SIRPA: variants seen among roughly 807,000 people sequenced by gnomAD.
The protein encoded by SIRPA is tyrosine-protein phosphatase non-receptor type substrate 1.
Under a neutral mutation model 50.3 loss-of-function variants are expected in SIRPA, and 9 were observed. The observed-to-expected ratio is 0.18, with a 90% CI of 0.11 to 0.31. The LOEUF (loss-of-function observed/expected upper bound fraction) is 0.31. Ranked by LOEUF, SIRPA falls within the 10% of genes least tolerant of loss-of-function variation. The probability of loss-of-function intolerance (pLI) is 1.00; values close to 1 mark genes in which losing one functional copy is unlikely to be tolerated. For synonymous variants in SIRPA, 265 were observed against 284.1 expected, an observed-to-expected ratio of 0.93 and a Z score of 0.68; for missense variants, 474 against 661.6, an observed-to-expected ratio of 0.72 and a Z score of 3.11.
intron 4 of SIRPA, 41 bp downstream of exon 4, chr20:1,922,686 T>C (rs1253658116): frequency 3.2e-6 from 5 of 1,547,170 alleles, no homozygotes; most frequent in Non-Finnish European, 4.4e-6. Context: ...TTTTAAACTT[T>C]TAGTTTTGTG....
chr20:1,917,520 A>G (rs1381994975), intron 2 of SIRPA, among the ~76,000 whole-genome samples: 1 of 152,206 alleles, frequency 6.6e-6, no homozygotes, highest in Non-Finnish European at 1.5e-5. Context: ...AGCCTGGGTG[A>G]TAGAGCAAGA....
At chr20:1,930,565 CTT>C (rs1199880459) in intron 6 of SIRPA, among the ~76,000 whole-genome samples, 2 of 152,122 alleles carry the variant, frequency 1.3e-5, no homozygotes, top group Non-Finnish European at 2.9e-5. Context: ...GAGGATCTCT[CTT>C]TTTTGTTTTT....
rs898545155 is a variant in SIRPA, at chr20:1,898,176, C to G, written c.79+2650C>G. Among the ~76,000 whole-genome samples, 8 of 152,338 alleles carry G rather than the reference C, an allele frequency of 5.3e-5. No individual in the cohort carries two copies. The highest frequency in any genetic ancestry group is 1.9e-4 in the East Asian group (1 of 5,188). ...CGGGGCCCCCCAGTGAACCTCTCACCGTTTGGTAGAGGGTGGCACTCTGGG... is the reference window on the plus strand; with the variant it reads ...CGGGGCCCCCCAGTGAACCTCTCACGGTTTGGTAGAGGGTGGCACTCTGGG... On this transcript the variant is annotated intron_variant, in intron 1 of 7. Coordinates refer to ENST00000358771, the MANE Select transcript of SIRPA (RefSeq NM_001040023.2). This position sits in a 1 kb window ranked among gnomAD's most constrained non-coding sequence, Gnocchi z 4.3.
At chr20:1,906,736 G>A (rs1291298159) in intron 1 of SIRPA, among the ~76,000 whole-genome samples, 1 of 152,174 alleles carries the variant, frequency 6.6e-6, no homozygotes, top group African/African-American at 2.4e-5. Context: ...TGGCTGCTGG[G>A]GGAATGTGGC....
chr20:1,921,576 C>A lies in SIRPA; in HGVS notation c.618C>A (p.Ser206=), dbSNP rs1985656054. 6.2e-7 allele frequency: 1 copy of A among 1,614,122 alleles called. No homozygotes were observed. The highest frequency in any genetic ancestry group is 1.3e-5 in the African/African-American group (1 of 74,942). ...TNVDPVGESV[S]YSIHSTAKVV... Reference sequence around the variant, plus strand: ...TGGACCCCGTAGGAGAGAGCGTGTCCTACAGCATCCACAGCACAGCCAAGG... The same window carrying A: ...TGGACCCCGTAGGAGAGAGCGTGTCATACAGCATCCACAGCACAGCCAAGG... Residue 206 remains serine (S), a synonymous_variant, in exon 3 of 8, where the codon TCC becomes TCA. Coordinates refer to ENST00000358771, the MANE Select transcript of SIRPA (RefSeq NM_001040023.2).
chr20:1,911,011 T>C (rs1984857644), intron 1 of SIRPA, among the ~76,000 whole-genome samples: 1 of 152,224 alleles, frequency 6.6e-6, no homozygotes, highest in South Asian at 2.1e-4. Flanking sequence ...TAATCTTTAA[T>C]ATCATTGTTT....
intron 1 of SIRPA, among the ~76,000 whole-genome samples, chr20:1,900,746 C>T: frequency 6.6e-6 from 1 of 152,242 alleles, no homozygotes; most frequent in East Asian, 1.9e-4. Context: ...GAACTTTCCA[C>T]TGTTTCAGCC....
At position 1,937,415 on chromosome 20, in the gene SIRPA, C is replaced by T. The variant is rs767159784; in HGVS notation, c.1362C>T (p.Ala454=). 6.2e-7 allele frequency: 1 copy of T among 1,614,098 alleles called. No individual in the cohort carries two copies. The highest frequency in any genetic ancestry group is 8.5e-7 in the Non-Finnish European group (1 of 1,180,002). ...AGCCCAACAACCACACGGAGTATGC[C>T]AGCATTCAGACCAGCCCGCAGCCCG... The part of the protein sequence containing the change: ...AAEPNNHTEY[A]SIQTSPQPAS... Residue 454 remains alanine (A), a synonymous_variant, in exon 8 of 8, where the codon GCC becomes GCT. Transcript: ENST00000358771. This position sits in a 1 kb window ranked among gnomAD's most constrained non-coding sequence, Gnocchi z 8.3.
chr20:1,920,013 T>G (rs960425567), intron 2 of SIRPA, among the ~76,000 whole-genome samples: 5 of 152,230 alleles, frequency 3.3e-5, no homozygotes, highest in African/African-American at 1.2e-4. Flanking sequence ...AAGCACCTGC[T>G]GCATACCAGG....
At chr20:1,918,714 C>T (rs903922202) in intron 2 of SIRPA, among the ~76,000 whole-genome samples, 1 of 152,082 alleles carries the variant, frequency 6.6e-6, no homozygotes, top group Non-Finnish European at 1.5e-5. Flanking sequence ...ATCCTGGCTT[C>T]CCTTGAGTCC....
chr20:1,895,652 G>A (rs1983757323), intron 1 of SIRPA, 126 bp downstream of exon 1: 3 of 707,180 alleles, frequency 4.2e-6, no homozygotes, highest in African/African-American at 1.9e-5. Flanking sequence ...TGTAACCAGG[G>A]TTATAGATGC....
In SIRPA at chr20:1,939,643, G is replaced by T. The variant is rs552678395; in HGVS notation, c.*2075G>T. The T allele has an allele frequency of 8.5e-5, 13 of 152,464 alleles. No individual in the cohort carries two copies. The highest frequency in any genetic ancestry group is 1.9e-4 in the Non-Finnish European group (13 of 68,048). The allele number at this position is 152,464 out of a possible 1,614,324, so 9.4% of individuals were successfully genotyped here. ...TTTTATTTTTTAATTCTTGGAGGGGGAAATAAGGGAATAAGGCCAAGGAAG... is the reference window on the plus strand; with the variant it reads ...TTTTATTTTTTAATTCTTGGAGGGGTAAATAAGGGAATAAGGCCAAGGAAG... On this transcript the variant is annotated 3_prime_UTR_variant, in exon 8 of 8. Transcript: ENST00000358771. The surrounding 1 kb of genome is among the most constrained non-coding windows in gnomAD (Gnocchi z 4.7).
At position 1,937,676 on chromosome 20, in the gene SIRPA, C is replaced by T. The variant is rs2122214087; in HGVS notation, c.*108C>T. On this transcript the variant is annotated 3_prime_UTR_variant, in exon 8 of 8. Transcript: ENST00000358771. The surrounding 1 kb of genome is among the most constrained non-coding windows in gnomAD (Gnocchi z 8.3). Reference sequence around the variant, plus strand: ...CAGTTCCCGGAGGGCTGGGGCGGTGCAGGCTCTGGGACCCAGGGGCCAGGG... The same window carrying T: ...CAGTTCCCGGAGGGCTGGGGCGGTGTAGGCTCTGGGACCCAGGGGCCAGGG... 7 of 1,457,220 alleles carry T rather than the reference C, an allele frequency of 4.8e-6. No homozygotes were observed. Among genetic ancestry groups the T allele is most frequent in the South Asian group, 1.3e-5 (1 of 77,390 alleles). 90.3% of individuals were successfully genotyped at this position (1,457,220 alleles called of 1,614,324 possible). A position where few individuals can be genotyped will look rare whatever the true frequency, so the allele number is the denominator to read the frequency against.
Position 1,934,136 on chromosome 20 carries a change from T to C in SIRPA, c.1227-579T>C, listed in dbSNP as rs6045522. Among the ~76,000 whole-genome samples the C allele has an allele frequency of 0.34, 51,512 of 151,912 alleles. 9,249 individuals carry two copies. The highest frequency in any genetic ancestry group is 0.44 in the African/African-American group (18,269 of 41,424). Reference sequence around the variant, plus strand: ...ACTTATCATTTTAATGTAAGCAATTTTAACTTAAAAAAAAAACCTCCTCAT... The same window carrying C: ...ACTTATCATTTTAATGTAAGCAATTCTAACTTAAAAAAAAAACCTCCTCAT... On this transcript the variant is annotated intron_variant, in intron 6 of 7. Transcript: ENST00000358771. This position sits in a 1 kb window ranked among gnomAD's most constrained non-coding sequence, Gnocchi z 4.6.
chr20:1,910,984 T>C (rs1468600397), intron 1 of SIRPA, among the ~76,000 whole-genome samples: 1 of 152,222 alleles, frequency 6.6e-6, no homozygotes, highest in Admixed American at 6.5e-5. Context: ...CATGTAAATC[T>C]ACCACTCAAT....
intron 1 of SIRPA, 42 bp downstream of exon 1, chr20:1,895,568 G>A: frequency 1.5e-6 from 2 of 1,356,402 alleles, no homozygotes; most frequent in Non-Finnish European, 1.9e-6. Context: ...TCCCCAAACT[G>A]CGGGCTCAGG....
intron 1 of SIRPA, among the ~76,000 whole-genome samples, chr20:1,911,531 G>A (rs1186845416): frequency 6.6e-6 from 1 of 152,148 alleles, no homozygotes; most frequent in Admixed American, 6.5e-5. Flanking sequence ...TCCACATAGG[G>A]GATAGGCCGT....
Position 1,928,213 on chromosome 20 carries a change from G to A in SIRPA, c.1226+314G>A, listed in dbSNP as rs904634800. ...CTGTCCTCACAGACATCCTGCACACGCCACCGGATGCATCCTCCCAGATCC... is the reference window on the plus strand; with the variant it reads ...CTGTCCTCACAGACATCCTGCACACACCACCGGATGCATCCTCCCAGATCC... On this transcript the variant is annotated intron_variant, in intron 6 of 7. Coordinates refer to ENST00000358771, the MANE Select transcript of SIRPA (RefSeq NM_001040023.2). This position sits in a 1 kb window ranked among gnomAD's most constrained non-coding sequence, Gnocchi z 4.9. 7.2e-5 allele frequency among the ~76,000 whole-genome samples: 11 copies of A among 152,086 alleles called. No individual in the cohort carries two copies. Among genetic ancestry groups the A allele is most frequent in the Non-Finnish European group, 1.3e-4 (9 of 68,026 alleles).
chr20:1,901,486 A>C (rs2122985402), intron 1 of SIRPA, among the ~76,000 whole-genome samples: 1 of 152,066 alleles, frequency 6.6e-6, no homozygotes, highest in Non-Finnish European at 1.5e-5. Flanking sequence ...TCGTATTTCT[A>C]TCAGTGCACC....
Sources: allele counts gnomAD v4.1 joint callset (sites outside exome capture counted in the v4.1 genomes callset), GRCh38; gene constraint gnomAD v4.1.1; non-coding constraint Gnocchi (gnomAD v3.1); transcripts MANE v1.5; gene names NCBI Gene and HGNC (gene_info 2026-07-23, HGNC 2026-07-21).